The following DNAH2 variants were observed in gnomAD, a reference collection of about 807,000 sequenced individuals.
DNAH2 encodes dynein axonemal heavy chain 2, also known as axonemal beta dynein heavy chain 2.
A neutral mutation model predicts 523.5 loss-of-function variants in DNAH2; 323 were observed. That is an observed-to-expected ratio of 0.62 (90% CI 0.56 to 0.68). The LOEUF (loss-of-function observed/expected upper bound fraction) is 0.68, where lower values mean the gene tolerates loss of function less well. DNAH2 is among the 30% of genes least tolerant of loss of function. DNAH2 has a pLI of 0.00. For synonymous variants in DNAH2, 2,093 were observed against 2,177.4 expected, an observed-to-expected ratio of 0.96 and a Z score of 1.08; for missense variants, 4,907 against 5,701.5, an observed-to-expected ratio of 0.86 and a Z score of 4.49.
chr17:7,791,904 G>A lies in DNAH2; in HGVS notation c.6901-13G>A, dbSNP rs748211185. On this transcript the variant is annotated splice_polypyrimidine_tract_variant and intron_variant, in intron 44 of 85. Coordinates refer to ENST00000572933, the MANE Select transcript of DNAH2 (RefSeq NM_020877.5). ...TACAGGTGGGTTATTTCCTCTTCTC[G>A]TTCTCCATCCAGGTGAACCCAGCTG... 2.7e-5 allele frequency: 44 copies of A among 1,610,432 alleles called. No homozygotes were observed. The South Asian group carries it at 3.7e-4, about 14-fold the overall frequency.
rs1183076679 is a variant in DNAH2, at chr17:7,807,374, C to T, written c.9612+55C>T. The T allele has an allele frequency of 7.5e-6, 12 of 1,601,042 alleles. No homozygotes were observed. Among genetic ancestry groups the T allele is most frequent in the Middle Eastern group, 1.8e-4 (1 of 5,648 alleles). ...TAGGGAGGGCAGGCCTGGGGGAGTGCGGATGCACAGACCCAGGTGGAAGGA... is the reference window on the plus strand; with the variant it reads ...TAGGGAGGGCAGGCCTGGGGGAGTGTGGATGCACAGACCCAGGTGGAAGGA... On this transcript the variant is annotated intron_variant, in intron 62 of 85. Coordinates refer to ENST00000572933, the MANE Select transcript of DNAH2 (RefSeq NM_020877.5). This position sits in a 1 kb window ranked among gnomAD's most constrained non-coding sequence, Gnocchi z 5.6.
chr17:7,805,769 G>A (rs927216014), intron 61 of DNAH2, among the ~76,000 whole-genome samples: 9 of 151,988 alleles, frequency 5.9e-5, no homozygotes, highest in African/African-American at 1.9e-4. Context: ...CAGGAGGATC[G>A]TTTAAACCTG....
intron 35 of DNAH2, 41 bp downstream of exon 35, chr17:7,778,510 C>CTTAAAT: frequency 4.6e-6 from 7 of 1,538,036 alleles, no homozygotes; most frequent in African/African-American, 2.8e-5. Context: ...CCCTTAAATA[C>CTTAAAT]CTTTTCGTCC....
At position 7,740,852 on chromosome 17, in the gene DNAH2, A is replaced by G; in HGVS notation, c.1549A>G (p.Met517Val). The G allele has an allele frequency of 1.2e-6, 2 of 1,613,584 alleles. No individual in the cohort carries two copies. Among genetic ancestry groups the G allele is most frequent in the Non-Finnish European group, 1.7e-6 (2 of 1,179,530 alleles). ...TGACAAGAAGGCGGTGGATCTCTAC[A>G]TGCTGTTCAATAGCGAGCTGGCCCT... Reference protein sequence around the residue: ...TYDKKAVDLYMLFNSELALVN... With the variant: ...TYDKKAVDLYVLFNSELALVN... Residue 517 changes from methionine (M) to valine (V), a missense_variant, in exon 11 of 86, where the codon ATG becomes GTG. By Grantham distance (21) the Met-to-Val change is conservative. Around this residue, in one of 3 missense-constraint regions of DNAH2, gnomAD observed 2,806 missense variants for 3,190.8 expected, o/e 0.88. Transcript: ENST00000572933.
At position 7,798,209 on chromosome 17, in the gene DNAH2, G is replaced by A; in HGVS notation, c.8283G>A (p.Val2761=). 3 of 1,613,040 alleles carry A rather than the reference G, an allele frequency of 1.9e-6. No homozygotes were observed. Among genetic ancestry groups the A allele is most frequent in the Non-Finnish European group, 2.5e-6 (3 of 1,179,102 alleles). ...IGQPRGNMLL[V]GIGGSGRQSL... is the part of the protein sequence containing the mutation. ...AGCCTCGGGGCAACATGCTCCTGGTGGGTATCGGGGGCAGCGGACGCCAGA... is the reference window on the plus strand; with the variant it reads ...AGCCTCGGGGCAACATGCTCCTGGTAGGTATCGGGGGCAGCGGACGCCAGA... The change falls in exon 54 of 86, where the codon GTG becomes GTA. Residue 2761 remains valine, a synonymous_variant. Transcript: ENST00000572933. This position sits in a 1 kb window ranked among gnomAD's most constrained non-coding sequence, Gnocchi z 5.5.
intron 4 of DNAH2, among the ~76,000 whole-genome samples, chr17:7,732,359 C>CG (rs528450142): frequency 5.2e-4 from 75 of 144,608 alleles, no homozygotes; most frequent in African/African-American, 1.8e-3. Context: ...CGCTTGAACC[C>CG]GGGGGGCGGA....
At position 7,777,646 on chromosome 17, in the gene DNAH2, G is replaced by GC. The variant is rs1567682005; in HGVS notation, c.5247+14dup. 6.2e-7 allele frequency: 1 copy of GC among 1,613,540 alleles called. No homozygotes were observed. On this transcript the variant is annotated intron_variant, in intron 33 of 85. Coordinates refer to ENST00000572933, the MANE Select transcript of DNAH2 (RefSeq NM_020877.5). ...TCTACTGGGAGAAGGTGCCAGATGG[G>GC]CCACCTCCCCACTCTCTTACCGTAA...
rs2076748159 is a variant in DNAH2, at chr17:7,786,786, C to G, written c.6466+99C>G. 2 of 1,597,658 alleles carry G rather than the reference C, an allele frequency of 1.3e-6. No homozygotes were observed. The highest frequency in any genetic ancestry group is 2.2e-5 in the South Asian group (2 of 89,544). ...AAGTTCCAAGTTGGGAGAGAAATGC[C>G]TGGGGAATGCTGAAGTACAAGGGAG... On this transcript the variant is annotated intron_variant, in intron 41 of 85. Coordinates refer to ENST00000572933, the MANE Select transcript of DNAH2 (RefSeq NM_020877.5). This position sits in a 1 kb window ranked among gnomAD's most constrained non-coding sequence, Gnocchi z 7.5.
At chr17:7,762,989 T>G (rs898361232) in intron 18 of DNAH2, among the ~76,000 whole-genome samples, 1 of 151,750 alleles carries the variant, frequency 6.6e-6, no homozygotes, top group African/African-American at 2.4e-5. Context: ...CTTTTTTTTT[T>G]TATTGAGACA....
chr17:7,817,463 G>C (rs768616234), intron 65 of DNAH2, 48 bp downstream of exon 65: 2 of 1,613,354 alleles, frequency 1.2e-6, no homozygotes, highest in Non-Finnish European at 1.7e-6. Flanking sequence ...ACCAGGGCTG[G>C]GGGCAGGACC....
In DNAH2 at chr17:7,739,874, C is replaced by T; in HGVS notation, c.1312C>T (p.Leu438=). 1 of 1,614,074 alleles carries T rather than the reference C, an allele frequency of 6.2e-7. No individual in the cohort carries two copies. Among genetic ancestry groups the T allele is most frequent in the Non-Finnish European group, 8.5e-7 (1 of 1,180,008 alleles). Residue 438 remains leucine (L), a synonymous_variant, in exon 9 of 86, where the codon CTG becomes TTG. Transcript: ENST00000572933. ...EDIFHKNLHT[L]RAVRGGILDV... ...CATCTTTCATAAAAATCTGCACACG[C>T]TGCGAGCCGTTCGCGGGGGTATCCT...
Position 7,821,838 on chromosome 17 carries a change from C to A in DNAH2, c.11142+469C>A, listed in dbSNP as rs947894329. On this transcript the variant is annotated intron_variant, in intron 73 of 85. Transcript: ENST00000572933. This position sits in a 1 kb window ranked among gnomAD's most constrained non-coding sequence, Gnocchi z 5.0. ...GAAGAACACATCCACACCGACTGGA[C>A]GCGCTTTAAGTCCATGATCGTGAAC... Among the ~76,000 whole-genome samples the A allele has an allele frequency of 3.3e-5, 5 of 152,146 alleles. No individual in the cohort carries two copies. The highest frequency in any genetic ancestry group is 7.3e-5 in the Non-Finnish European group (5 of 68,032).
chr17:7,786,499 A>C lies in DNAH2; in HGVS notation c.6349-71A>C. On this transcript the variant is annotated intron_variant, in intron 40 of 85. Coordinates refer to ENST00000572933, the MANE Select transcript of DNAH2 (RefSeq NM_020877.5). This position sits in a 1 kb window ranked among gnomAD's most constrained non-coding sequence, Gnocchi z 7.5. Reference sequence around the variant, plus strand: ...AGAGAAGGGACAAATGCACGTACCTAAGAGGGGTCTGGAAATAAAGAGGGG... The same window carrying C: ...AGAGAAGGGACAAATGCACGTACCTCAGAGGGGTCTGGAAATAAAGAGGGG... The C allele has an allele frequency of 6.6e-7, 1 of 1,504,260 alleles. No individual in the cohort carries two copies. The highest frequency in any genetic ancestry group is 9.2e-7 in the Non-Finnish European group (1 of 1,089,464). The allele number at this position is 1,504,260 out of a possible 1,614,324, so 93.2% of individuals were successfully genotyped here. A position where few individuals can be genotyped will look rare whatever the true frequency, so the allele number is the denominator to read the frequency against.
chr17:7,758,547 C>A lies in DNAH2; in HGVS notation c.2104C>A (p.Arg702=), dbSNP rs140826418. The change falls in exon 14 of 86, where the codon CGG becomes AGG. Residue 702 remains arginine (R), a synonymous_variant. Coordinates refer to ENST00000572933, the MANE Select transcript of DNAH2 (RefSeq NM_020877.5). ...GCAGGCCCTATTCAAAGAGCGTATT[C>A]GGCTCCTGGATAAGAAGATCCACCC... ...DEQALFKERI[R]LLDKKIHPGL... is the part of the protein sequence containing the mutation. 6.2e-7 allele frequency: 1 copy of A among 1,614,072 alleles called. No individual in the cohort carries two copies. The highest frequency in any genetic ancestry group is 1.3e-5 in the African/African-American group (1 of 75,010).
At chr17:7,787,790 G>T in intron 42 of DNAH2, 70 bp from the exon 43 acceptor site, 1 of 1,498,666 alleles carries the variant, frequency 6.7e-7, no homozygotes, top group East Asian at 2.3e-5. Flanking sequence ...TCCGAGTTCC[G>T]GGTGTTTTAT....
rs370538942 is a variant in DNAH2 at position 7,734,745 on chromosome 17, A to C, written c.978+37A>C. The C allele has an allele frequency of 1.5e-5, 24 of 1,600,432 alleles. No homozygotes were observed. The African/African-American group carries it at 3.0e-4, about 20-fold the overall frequency. On this transcript the variant is annotated intron_variant, in intron 7 of 85. Transcript: ENST00000572933. ...AATCAAAGGATTCAGGCTCAGCAAG[A>C]AGTGGGCAATGGTTGGGATGATACA...
At position 7,739,742 on chromosome 17, in the gene DNAH2, T is replaced by A. The variant is rs750177327; in HGVS notation, c.1180T>A (p.Cys394Ser). ...CTGTCTTCTTTTTTAGGTATGTGAC[T>A]GTCAGTATCACTTCGCCCGCTGGGA... is the stretch of plus-strand genomic sequence containing the variant. ...LTSLFRKVCD[C>S]QYHFARWEDG... Residue 394 changes from cysteine to serine, a missense_variant, in exon 9 of 86, where the codon TGT (cysteine) becomes AGT (serine). Around this residue, in one of 3 missense-constraint regions of DNAH2, gnomAD observed 2,806 missense variants for 3,190.8 expected, o/e 0.88. Coordinates refer to ENST00000572933, the MANE Select transcript of DNAH2 (RefSeq NM_020877.5). The A allele has an allele frequency of 6.2e-7, 1 of 1,612,894 alleles. No individual in the cohort carries two copies. Among genetic ancestry groups the A allele is most frequent in the East Asian group, 2.2e-5 (1 of 44,886 alleles).
chr17:7,794,350 T>C lies in DNAH2; in HGVS notation c.7666T>C (p.Phe2556Leu). ...TCGCTTCAACATTATCAACATGACC[T>C]TCCCCACAGTGAGGACCTCATGGGG... ...RSRFNIINMT[F>L]PTKSQIIRIF... Residue 2556 changes from phenylalanine to leucine, a missense_variant, in exon 49 of 86, where the codon TTC becomes CTC. Around this residue, in one of 3 missense-constraint regions of DNAH2, gnomAD observed 250 missense variants for 371.3 expected, o/e 0.67. Coordinates refer to ENST00000572933, the MANE Select transcript of DNAH2 (RefSeq NM_020877.5). 6.3e-7 allele frequency: 1 copy of C among 1,590,556 alleles called. No individual in the cohort carries two copies. Among genetic ancestry groups the C allele is most frequent in the Non-Finnish European group, 8.6e-7 (1 of 1,166,322 alleles).
Position 7,718,219 on chromosome 17 carries a change from G to A in DNAH2, c.-595G>A, listed in dbSNP as rs751627834. On this transcript the variant is annotated 5_prime_UTR_variant, in exon 1 of 86. Coordinates refer to ENST00000572933, the MANE Select transcript of DNAH2 (RefSeq NM_020877.5). ...TGTGGGATCGCGTGGTGAACCCCACGGTGCATGCGCCTCAGGCTCTAGTTT... is the reference window on the plus strand; with the variant it reads ...TGTGGGATCGCGTGGTGAACCCCACAGTGCATGCGCCTCAGGCTCTAGTTT... 1.3e-5 allele frequency: 2 copies of A among 152,136 alleles called. No individual in the cohort carries two copies. The highest frequency in any genetic ancestry group is 2.4e-5 in the African/African-American group (1 of 41,404). 9.4% of individuals were successfully genotyped at this position (152,136 alleles called of 1,614,324 possible). A position where few individuals can be genotyped will look rare whatever the true frequency, so the allele number is the denominator to read the frequency against.
Sources: allele counts gnomAD v4.1 joint callset (sites outside exome capture counted in the v4.1 genomes callset), GRCh38; gene constraint gnomAD v4.1.1; regional missense constraint gnomAD v4.1.1; non-coding constraint Gnocchi (gnomAD v3.1); transcripts MANE v1.5; gene names NCBI Gene and HGNC (gene_info 2026-07-23, HGNC 2026-07-21).